ZNF583: variants seen among roughly 807,000 people sequenced by gnomAD.
ZNF583 encodes zinc finger protein L3-5.
In ZNF583, 30 loss-of-function variants were observed where a neutral mutation model predicts 55.3. The ratio of observed to expected loss-of-function variants is 0.54; its 90% CI spans 0.41 to 0.74. The LOEUF is 0.74. Among genes scored for constraint, ZNF583 ranks in the 30% least tolerant of loss-of-function variants. ZNF583 has a pLI of 0.00. For synonymous variants in ZNF583, 208 were observed against 220.0 expected, an observed-to-expected ratio of 0.95 and a Z score of 0.48; for missense variants, 504 against 664.7, an observed-to-expected ratio of 0.76 and a Z score of 2.66.
At chr19:56,407,302 C>A (rs936513525) in intron 2 of ZNF583, among the ~76,000 whole-genome samples, 179 bp downstream of exon 2, 1 of 152,206 alleles carries the variant, frequency 6.6e-6, no homozygotes, top group East Asian at 1.9e-4. Flanking sequence ...TTTTTTTCCA[C>A]AGCCAGCATT....
At position 56,423,872 on chromosome 19, in the gene ZNF583, A is replaced by T. The variant is rs184762930; in HGVS notation, c.1214A>T (p.Glu405Val). The T allele has an allele frequency of 5.1e-5, 82 of 1,614,070 alleles. No homozygotes were observed. The highest frequency in any genetic ancestry group is 6.9e-5 in the Non-Finnish European group (81 of 1,179,984). ...CAACATCAGAGAGTTCATACTGGAG[A>T]AAAACCTTATGAATGTAAAGTATGT... ...LAQHQRVHTG[E>V]KPYECKVCRK... Residue 405 changes from glutamate to valine, a missense_variant, in exon 5 of 5, where the codon GAA becomes GTA. This residue lies in a region of ZNF583 where 237 missense variants were observed against 373.0 expected (regional missense o/e 0.64). Transcript: ENST00000333201.
In ZNF583 at chr19:56,408,572, G is replaced by A. The variant is rs1163160804; in HGVS notation, c.9+1449G>A. 2.6e-5 allele frequency among the ~76,000 whole-genome samples: 4 copies of A among 152,200 alleles called. No individual in the cohort carries two copies. In the East Asian group the frequency reaches 7.7e-4, roughly 29 times the overall value. On this transcript the variant is annotated intron_variant, in intron 2 of 4. Transcript: ENST00000333201. ...TCTTGTCCAAGTTTCTCATTCTACA[G>A]ATGAAGAAAAAGAGGCCAGGGGAAG... is the stretch of plus-strand genomic sequence containing the variant.
chr19:56,407,236 G>GTGA (rs1367661469), intron 2 of ZNF583, 113 bp downstream of exon 2: 1 of 1,206,096 alleles, frequency 8.3e-7, no homozygotes, highest in Non-Finnish European at 1.2e-6. Context: ...CATTCATCCA[G>GTGA]TGACTCGTTC....
chr19:56,407,426 T>A (rs761917923), intron 2 of ZNF583, among the ~76,000 whole-genome samples: 21 of 152,188 alleles, frequency 1.4e-4, no homozygotes, highest in Non-Finnish European at 2.9e-4. Flanking sequence ...TTGTAGTAAG[T>A]TGATTGAGAC....
Position 56,422,950 on chromosome 19 carries a change from T to A in ZNF583, c.292T>A (p.Ser98Thr). The A allele has an allele frequency of 6.2e-7, 1 of 1,613,378 alleles. No homozygotes were observed. Among genetic ancestry groups the A allele is most frequent in the Non-Finnish European group, 8.5e-7 (1 of 1,179,728 alleles). Residue 98 changes from serine (S) to threonine (T), a missense_variant, in exon 5 of 5, where the codon TCA (serine) becomes ACA (threonine). Physicochemically the swap from Ser to Thr is moderately conservative, Grantham distance 58. Around this residue, in one of 3 missense-constraint regions of ZNF583, gnomAD observed 204 missense variants for 235.2 expected, o/e 0.87. Transcript: ENST00000333201. ...FSSKQETYEE[S>T]SKVVTVGARH... Reference sequence around the variant, plus strand: ...ATCAAAGCAAGAGACATATGAAGAATCATCCAAAGTTGTGACAGTGGGAGC... The same window carrying A: ...ATCAAAGCAAGAGACATATGAAGAAACATCCAAAGTTGTGACAGTGGGAGC...
In ZNF583 at chr19:56,404,372, T is replaced by C. The variant is rs2042111066; in HGVS notation, c.-170T>C. On this transcript the variant is annotated 5_prime_UTR_variant, in exon 1 of 5. Coordinates refer to ENST00000333201, the MANE Select transcript of ZNF583 (RefSeq NM_152478.3). The surrounding 1 kb of genome is among the most constrained non-coding windows in gnomAD (Gnocchi z 5.2). Reference sequence around the variant, plus strand: ...TTGTGAGCGCGGCCGCCGGCCAGGATCGAGCCCTGGCCCGGGCCCTGGCCC... The same window carrying C: ...TTGTGAGCGCGGCCGCCGGCCAGGACCGAGCCCTGGCCCGGGCCCTGGCCC... 1 of 152,204 alleles carries C rather than the reference T, an allele frequency of 6.6e-6. No individual in the cohort carries two copies. The highest frequency in any genetic ancestry group is 1.9e-4 in the East Asian group (1 of 5,142). The allele number at this position is 152,204 out of a possible 1,614,324, so 9.4% of individuals were successfully genotyped here.
intron 2 of ZNF583, among the ~76,000 whole-genome samples, chr19:56,408,277 A>G (rs954039023): frequency 1.3e-5 from 2 of 152,202 alleles, no homozygotes; most frequent in Non-Finnish European, 2.9e-5. Context: ...GAGTAAGGTG[A>G]GGCAGATGCA....
Position 56,408,552 on chromosome 19 carries a change from T to C in ZNF583, c.9+1429T>C, listed in dbSNP as rs546572816. Among the ~76,000 whole-genome samples, 12 of 152,342 alleles carry C rather than the reference T, an allele frequency of 7.9e-5. No individual in the cohort carries two copies. In the East Asian group the frequency reaches 1.9e-3, roughly 25 times the overall value. On this transcript the variant is annotated intron_variant, in intron 2 of 4. Transcript: ENST00000333201. ...AGGAAGATAATTATGGGTGATCTTG[T>C]CCAAGTTTCTCATTCTACAGATGAA...
In ZNF583 at chr19:56,423,722, A is replaced by G. The variant is rs1250890953; in HGVS notation, c.1064A>G (p.Asn355Ser). 2.5e-6 allele frequency: 4 copies of G among 1,613,876 alleles called. No homozygotes were observed. The highest frequency in any genetic ancestry group is 1.1e-5 in the South Asian group (1 of 91,074). The change falls in exon 5 of 5, where the codon AAT becomes AGT. Residue 355 changes from asparagine (N) to serine (S), a missense_variant. Transcript: ENST00000333201. ...ACAGGAGAGAAACCTTATGTGTGTA[A>G]TGTGTGTGGGAAAGCCTTTAGCCAT... ...IHTGEKPYVC[N>S]VCGKAFSHRG... is the part of the protein sequence containing the mutation.
At chr19:56,412,574 C>T (rs2042255225) in intron 2 of ZNF583, among the ~76,000 whole-genome samples, 1 of 152,042 alleles carries the variant, frequency 6.6e-6, no homozygotes, top group African/African-American at 2.4e-5. Context: ...ATTAATAGTG[C>T]TTAAATTACT....
Position 56,418,000 on chromosome 19 carries a change from G to A in ZNF583, c.232+3560G>A, listed in dbSNP as rs780347246. 5.3e-5 allele frequency among the ~76,000 whole-genome samples: 8 copies of A among 152,004 alleles called. 1 individual carries two copies. The highest frequency in any genetic ancestry group is 2.9e-5 in the Non-Finnish European group (2 of 68,026). ...GTTCTGGAATGTCTTCTGTTCCATT[G>A]ATCTATATGTCTATTGTCTCACCAG... On this transcript the variant is annotated intron_variant, in intron 4 of 4. Coordinates refer to ENST00000333201, the MANE Select transcript of ZNF583 (RefSeq NM_152478.3).
chr19:56,423,434 A>G lies in ZNF583; in HGVS notation c.776A>G (p.Lys259Arg). The G allele has an allele frequency of 6.2e-7, 1 of 1,613,978 alleles. No homozygotes were observed. The highest frequency in any genetic ancestry group is 8.5e-7 in the Non-Finnish European group (1 of 1,179,878). ...FSQSANLAQH[K>R]RIHTGEKPYE... ...CAGAGTGCAAACTTGGCGCAACATA[A>G]GAGAATACATACTGGAGAGAAACCC... Residue 259 changes from lysine (K) to arginine (R), a missense_variant, in exon 5 of 5, where the codon AAG (lysine) becomes AGG (arginine). Lys to Arg is a conservative substitution (Grantham distance 26). Coordinates refer to ENST00000333201, the MANE Select transcript of ZNF583 (RefSeq NM_152478.3).
chr19:56,412,045 C>T (rs2042246922), intron 2 of ZNF583, among the ~76,000 whole-genome samples: 1 of 152,208 alleles, frequency 6.6e-6, no homozygotes, highest in Admixed American at 6.5e-5. Flanking sequence ...AGAACTTATC[C>T]TAGCTGGGAT....
chr19:56,421,163 ACT>A (rs1015335032), intron 4 of ZNF583, among the ~76,000 whole-genome samples: 2 of 151,944 alleles, frequency 1.3e-5, no homozygotes, highest in African/African-American at 4.8e-5. Flanking sequence ...TCAATCAAAA[ACT>A]CTGTGTGTGG....
intron 4 of ZNF583, among the ~76,000 whole-genome samples, chr19:56,421,091 C>T (rs2042407182): frequency 6.6e-6 from 1 of 152,096 alleles, no homozygotes; most frequent in Middle Eastern, 3.2e-3. Context: ...CGTCTTGAGA[C>T]CAGCAGCACC....
chr19:56,419,270 A>G (rs1202633858), intron 4 of ZNF583, among the ~76,000 whole-genome samples: 3 of 145,950 alleles, frequency 2.1e-5, no homozygotes, highest in Non-Finnish European at 4.5e-5. Flanking sequence ...ATCTCAGCTC[A>G]CTGCAACCTC....
At position 56,404,926 on chromosome 19, in the gene ZNF583, T is replaced by C. The variant is rs1378763425; in HGVS notation, c.-90+474T>C. On this transcript the variant is annotated intron_variant, in intron 1 of 4. Coordinates refer to ENST00000333201, the MANE Select transcript of ZNF583 (RefSeq NM_152478.3). The surrounding 1 kb of genome is among the most constrained non-coding windows in gnomAD (Gnocchi z 5.2). ...TGAACAGTGTGTAAGACCATGTCACTGTGTGTGTGACCTGTGTGTGTGGGA... is the reference window on the plus strand; with the variant it reads ...TGAACAGTGTGTAAGACCATGTCACCGTGTGTGTGACCTGTGTGTGTGGGA... 1.3e-5 allele frequency among the ~76,000 whole-genome samples: 2 copies of C among 152,004 alleles called. No individual in the cohort carries two copies. The highest frequency in any genetic ancestry group is 2.9e-5 in the Non-Finnish European group (2 of 67,978).
In ZNF583 at chr19:56,424,333, A is replaced by T; in HGVS notation, c.1675A>T (p.Asn559Tyr). 1 of 1,573,306 alleles carries T rather than the reference A, an allele frequency of 6.4e-7. No homozygotes were observed. The highest frequency in any genetic ancestry group is 8.7e-7 in the Non-Finnish European group (1 of 1,143,682). ...TTCCTCTCCCTCACCCTCCACATCA[A>T]ATCAGTTGCCAAGACCTGTAGGTTT... ...TLSSPSPSTS[N>Y]QLPRPVGFIS is the part of the protein sequence containing the mutation. The change falls in exon 5 of 5, where the codon AAT becomes TAT. Residue 559 changes from asparagine (N) to tyrosine (Y), a missense_variant. By Grantham distance (143) the Asn-to-Tyr change is moderately radical. Coordinates refer to ENST00000333201, the MANE Select transcript of ZNF583 (RefSeq NM_152478.3).
chr19:56,409,349 G>T (rs113561504), intron 2 of ZNF583, among the ~76,000 whole-genome samples: 2,381 of 152,146 alleles, frequency 0.016, 57 homozygotes, highest in African/African-American at 0.053. Flanking sequence ...TACTGATTTG[G>T]TAACAGAAGA....
Sources: allele counts gnomAD v4.1 joint callset (sites outside exome capture counted in the v4.1 genomes callset), GRCh38; gene constraint gnomAD v4.1.1; regional missense constraint gnomAD v4.1.1; non-coding constraint Gnocchi (gnomAD v3.1); transcripts MANE v1.5; gene names NCBI Gene and HGNC (gene_info 2026-07-23, HGNC 2026-07-21).